TMOD1: variants seen among roughly 807,000 people sequenced by gnomAD.
The protein encoded by TMOD1 is tropomodulin 1, also known as tropomodulin-1.
TMOD1 carries 17 observed loss-of-function variants against 40.6 expected under a neutral mutation model. The ratio of observed to expected loss-of-function variants is 0.42; its 90% CI spans 0.29 to 0.63. The LOEUF is 0.63. TMOD1 is among the 20% of genes least tolerant of loss of function. The probability of loss-of-function intolerance (pLI) is 0.22; values close to 1 mark genes in which losing one functional copy is unlikely to be tolerated. For missense variants in TMOD1, 391 were observed against 447.6 expected, an observed-to-expected ratio of 0.87 and a Z score of 1.14; for synonymous variants, 181 against 175.0, an observed-to-expected ratio of 1.03 and a Z score of -0.27.
At chr9:97,545,876 G>A (rs911300462) in intron 2 of TMOD1, among the ~76,000 whole-genome samples, 14 of 152,072 alleles carry the variant, frequency 9.2e-5, no homozygotes, top group African/African-American at 1.9e-4. Context: ...GACTGGAGTC[G>A]GCTGCCTTGA....
At chr9:97,561,305 T>C (rs952762769) in intron 4 of TMOD1, among the ~76,000 whole-genome samples, 22 of 152,154 alleles carry the variant, frequency 1.4e-4, no homozygotes, top group African/African-American at 5.3e-4. Context: ...AATCTGACCT[T>C]GCCTAGGTGA....
chr9:97,597,865 G>C (rs1826148153), intron 9 of TMOD1, among the ~76,000 whole-genome samples: 1 of 152,046 alleles, frequency 6.6e-6, no homozygotes, highest in Non-Finnish European at 1.5e-5. Flanking sequence ...TTGGATTTCA[G>C]TCCTGGCTCT....
chr9:97,529,619 C>T (rs1424327895), intron 2 of TMOD1, among the ~76,000 whole-genome samples: 1 of 152,102 alleles, frequency 6.6e-6, no homozygotes, highest in Non-Finnish European at 1.5e-5. Context: ...CACTTGGACT[C>T]CCTCGGGAAA....
At chr9:97,570,463 A>C (rs1830800967) in intron 8 of TMOD1, among the ~76,000 whole-genome samples, 1 of 152,106 alleles carries the variant, frequency 6.6e-6, no homozygotes, top group Admixed American at 6.5e-5. Context: ...TGAATTGCTC[A>C]TGGTAGGTGG....
In TMOD1 at chr9:97,502,484, CTT is replaced by C. The variant is rs1342573605; in HGVS notation, c.-49+682_-49+683del. ...TCGGCATGGCCTTGGCAATCCCCCT[CTT>C]GTTTCTGGATCTCAGTCTCCCATTT... is the stretch of plus-strand genomic sequence containing the variant. On this transcript the variant is annotated intron_variant, in intron 1 of 9. Transcript: ENST00000259365. The surrounding 1 kb of genome is among the most constrained non-coding windows in gnomAD (Gnocchi z 6.1). Among the ~76,000 whole-genome samples, 1 of 152,240 alleles carries C rather than the reference CTT, an allele frequency of 6.6e-6. No individual in the cohort carries two copies.
intron 9 of TMOD1, among the ~76,000 whole-genome samples, chr9:97,598,153 C>T (rs1826154407): frequency 6.6e-6 from 1 of 151,722 alleles, no homozygotes; most frequent in Non-Finnish European, 1.5e-5. Context: ...ACATGGTGAA[C>T]CCCCATCTCT....
chr9:97,574,548 T>C (rs2131274983), intron 8 of TMOD1, among the ~76,000 whole-genome samples: 1 of 152,304 alleles, frequency 6.6e-6, no homozygotes, highest in Admixed American at 6.5e-5. Flanking sequence ...ACCCAAGGGC[T>C]GAGGAGTGCG....
At chr9:97,546,061 G>T (rs1405503761) in intron 2 of TMOD1, 124 bp from the exon 3 acceptor site, 1 of 1,154,956 alleles carries the variant, frequency 8.7e-7, no homozygotes, top group African/African-American at 1.6e-5. Context: ...GATTCCATGA[G>T]CTCTGAGGTC....
intron 2 of TMOD1, among the ~76,000 whole-genome samples, chr9:97,524,737 G>A (rs533619279): frequency 5.9e-5 from 9 of 152,168 alleles, no homozygotes; most frequent in East Asian, 5.8e-4. Flanking sequence ...GTTTGAATCC[G>A]AAGGCAGAAA....
chr9:97,574,508 C>G (rs907363306), intron 8 of TMOD1, among the ~76,000 whole-genome samples: 3 of 152,258 alleles, frequency 2.0e-5, no homozygotes, highest in African/African-American at 7.2e-5. Flanking sequence ...AGCGCCGCCC[C>G]CTGCTCCACG....
intron 9 of TMOD1, among the ~76,000 whole-genome samples, chr9:97,598,867 G>GCCA (rs1826179764): frequency 6.6e-6 from 1 of 152,130 alleles, no homozygotes; most frequent in Non-Finnish European, 1.5e-5. Flanking sequence ...CCTCTCGACT[G>GCCA]CCACCTACTG....
chr9:97,562,902 A>G, intron 5 of TMOD1, 81 bp downstream of exon 5: 1 of 1,172,554 alleles, frequency 8.5e-7, no homozygotes, highest in Non-Finnish European at 1.2e-6. Context: ...TCATTGCAGA[A>G]GTTTTAACAT....
intron 9 of TMOD1, among the ~76,000 whole-genome samples, chr9:97,592,290 A>C (rs1035096309): frequency 1.3e-5 from 2 of 152,188 alleles, no homozygotes; most frequent in African/African-American, 4.8e-5. Context: ...GGGAAAAAAA[A>C]CAAGAAAAGC....
Position 97,564,617 on chromosome 9 carries a change from C to T in TMOD1, c.618+449C>T, listed in dbSNP as rs548852523. ...CTGTGCCATCGCTGCTGCTATATCACGTTCATATTCAGCCTTGTTTTACAG... is the reference window on the plus strand; with the variant it reads ...CTGTGCCATCGCTGCTGCTATATCATGTTCATATTCAGCCTTGTTTTACAG... On this transcript the variant is annotated intron_variant, in intron 6 of 9. Transcript: ENST00000259365. Among the ~76,000 whole-genome samples the T allele has an allele frequency of 5.9e-5, 9 of 152,308 alleles. No homozygotes were observed. The East Asian group carries it at 7.7e-4, about 13-fold the overall frequency.
intron 1 of TMOD1, among the ~76,000 whole-genome samples, chr9:97,510,316 C>A (rs1398481739): frequency 6.6e-6 from 1 of 152,150 alleles, no homozygotes; most frequent in African/African-American, 2.4e-5. Flanking sequence ...CTGCAACCTC[C>A]ACTGCCCAGG....
chr9:97,561,154 C>T (rs1830634654), intron 4 of TMOD1, among the ~76,000 whole-genome samples: 1 of 152,200 alleles, frequency 6.6e-6, no homozygotes, highest in African/African-American at 2.4e-5. Flanking sequence ...ATCCATCTCT[C>T]CCCTCTGTAG....
At chr9:97,569,946 G>T (rs1204466463) in intron 8 of TMOD1, among the ~76,000 whole-genome samples, 3 of 147,282 alleles carry the variant, frequency 2.0e-5, no homozygotes, top group South Asian at 2.2e-4. Context: ...TGGGGACTCA[G>T]TTTTTTTTTT....
At chr9:97,571,764 G>C (rs966521996) in intron 8 of TMOD1, among the ~76,000 whole-genome samples, 2 of 152,232 alleles carry the variant, frequency 1.3e-5, no homozygotes, top group African/African-American at 4.8e-5. Flanking sequence ...ATGCCTGTCT[G>C]GGTTCTTGAA....
rs1826245912 is a variant in TMOD1, at chr9:97,601,040, T to C, written c.*1342T>C. 7.7e-7 allele frequency: 1 copy of C among 1,303,272 alleles called. No individual in the cohort carries two copies. Among genetic ancestry groups the C allele is most frequent in the Non-Finnish European group, 1.0e-6 (1 of 988,462 alleles). The allele number at this position is 1,303,272 out of a possible 1,614,324, so 80.7% of individuals were successfully genotyped here. On this transcript the variant is annotated 3_prime_UTR_variant, in exon 10 of 10. Coordinates refer to ENST00000259365, the MANE Select transcript of TMOD1 (RefSeq NM_003275.4). ...GATGAAAAGGTGAAGGCCTGCGCAC[T>C]GAACTGTAAGGCAGTGGGCAGTACA... is the stretch of plus-strand genomic sequence containing the variant.
Sources: allele counts gnomAD v4.1 joint callset (sites outside exome capture counted in the v4.1 genomes callset), GRCh38; gene constraint gnomAD v4.1.1; non-coding constraint Gnocchi (gnomAD v3.1); transcripts MANE v1.5; gene names NCBI Gene and HGNC (gene_info 2026-07-23, HGNC 2026-07-21).